SERPINB12: variants seen among roughly 807,000 people sequenced by gnomAD.
SERPINB12 encodes serpin family B member 12.
SERPINB12 carries 57 observed loss-of-function variants against 41.1 expected under a neutral mutation model. The observed-to-expected ratio is 1.39, with a 90% CI of 1.12 to 1.73. SERPINB12 has a LOEUF of 1.73. SERPINB12 is among the 40% of genes most tolerant of loss of function. The pLI is 0.00. For missense variants in SERPINB12, 536 were observed against 501.9 expected (o/e 1.07, Z -0.65); for synonymous variants, 180 against 181.3 (o/e 0.99, Z 0.06).
chr18:63,530,468 G>A, the SERPINB12 span, among the ~76,000 whole-genome samples: 42 of 152,126 alleles, frequency 2.8e-4, no homozygotes, highest in Non-Finnish European at 4.0e-4. Flanking sequence ...TGAAGCAGAG[G>A]AAGAACTTCC....
chr18:63,540,131 T>C (rs1419569138), upstream of SERPINB12, among the ~76,000 whole-genome samples: 1 of 152,202 alleles, frequency 6.6e-6, no homozygotes, highest in Non-Finnish European at 1.5e-5. Flanking sequence ...TTGTAGAATG[T>C]CTAAATAGTC....
intron 1 of SERPINB12, among the ~76,000 whole-genome samples, chr18:63,548,736 T>C (rs1910448605): frequency 6.6e-6 from 1 of 151,994 alleles, no homozygotes; most frequent in African/African-American, 2.4e-5. Flanking sequence ...TTAGCAAGTA[T>C]CAATGCCATG....
At chr18:63,529,798 A>C in the SERPINB12 span, among the ~76,000 whole-genome samples, 5 of 152,030 alleles carry the variant, frequency 3.3e-5, no homozygotes. Context: ...TCATTTAAAA[A>C]CTGATGTTTT....
chr18:63,521,622 A>G, the SERPINB12 span, among the ~76,000 whole-genome samples: 3 of 152,212 alleles, frequency 2.0e-5, no homozygotes, highest in Non-Finnish European at 4.4e-5. Flanking sequence ...CCCAAAAAAA[A>G]GGTAGGCACA....
intron 1 of SERPINB12, among the ~76,000 whole-genome samples, 194 bp from the exon 2 acceptor site, chr18:63,555,948 A>G (rs1321369387): frequency 6.6e-6 from 1 of 152,198 alleles, no homozygotes; most frequent in African/African-American, 2.4e-5. Flanking sequence ...CTACTAAATG[A>G]AAATAGATCT....
chr18:63,532,717 G>T, the SERPINB12 span, among the ~76,000 whole-genome samples: 7 of 151,886 alleles, frequency 4.6e-5, no homozygotes, highest in South Asian at 2.1e-4. Context: ...GTTTGCTGAG[G>T]GGTTGCTAAC....
chr18:63,560,410 CA>C (rs1910863562), intron 4 of SERPINB12, among the ~76,000 whole-genome samples: 1 of 152,062 alleles, frequency 6.6e-6, no homozygotes, highest in African/African-American at 2.4e-5. Flanking sequence ...CTCCTTTGGC[CA>C]AAATAAGTGT....
At position 63,567,198 on chromosome 18, in the gene SERPINB12, T is replaced by A. The variant is rs951037268; in HGVS notation, c.*187T>A. On this transcript the variant is annotated 3_prime_UTR_variant, in exon 8 of 8. Transcript: ENST00000382768. Reference sequence around the variant, plus strand: ...TTATTTTCATCTGAGTCTGTTAGTATTGAAGGGCTGTTGTTCTCTACCCTA... The same window carrying A: ...TTATTTTCATCTGAGTCTGTTAGTAATGAAGGGCTGTTGTTCTCTACCCTA... Among the ~76,000 whole-genome samples the A allele has an allele frequency of 1.3e-5, 2 of 152,202 alleles. No individual in the cohort carries two copies. Among genetic ancestry groups the A allele is most frequent in the Non-Finnish European group, 2.9e-5 (2 of 68,036 alleles).
At chr18:63,559,002 C>CTTT (rs369241604) in intron 3 of SERPINB12, among the ~76,000 whole-genome samples, 15,578 of 98,816 alleles carry the variant, frequency 0.16, 3,215 homozygotes, top group African/African-American at 0.46. Context: ...TTCTTTCCTT[C>CTTT]CTTCTTTCTT....
intron 1 of SERPINB12, among the ~76,000 whole-genome samples, chr18:63,545,192 A>G (rs1217169311): frequency 2.0e-5 from 3 of 151,880 alleles, no homozygotes; most frequent in Non-Finnish European, 2.9e-5. Flanking sequence ...CATTATTTTT[A>G]CGGCCTGTTG....
intron 1 of SERPINB12, among the ~76,000 whole-genome samples, chr18:63,542,863 G>A (rs1410669972): frequency 1.3e-5 from 2 of 151,978 alleles, no homozygotes; most frequent in African/African-American, 4.8e-5. Context: ...TCAATGTTTA[G>A]CTCCCACTTA....
At chr18:63,528,934 T>C in the SERPINB12 span, among the ~76,000 whole-genome samples, 1 of 151,404 alleles carries the variant, frequency 6.6e-6, no homozygotes, top group South Asian at 2.1e-4. Flanking sequence ...AAGGAGGGAG[T>C]GCAAGAATCA....
chr18:63,529,783 A>G, the SERPINB12 span, among the ~76,000 whole-genome samples: 1 of 152,094 alleles, frequency 6.6e-6, no homozygotes, highest in Non-Finnish European at 1.5e-5. Context: ...AAATAAAATA[A>G]TTTATCATTT....
chr18:63,565,821 T>A (rs1294156514), intron 7 of SERPINB12, among the ~76,000 whole-genome samples: 6 of 152,228 alleles, frequency 3.9e-5, no homozygotes, highest in Non-Finnish European at 7.3e-5. Flanking sequence ...GATTGGAGTT[T>A]CTTCTTTAAT....
chr18:63,565,362 C>T lies in SERPINB12; in HGVS notation c.706-83C>T, dbSNP rs544490200. 5 of 1,300,528 alleles carry T rather than the reference C, an allele frequency of 3.8e-6. No homozygotes were observed. The South Asian group carries it at 4.3e-5, about 11-fold the overall frequency. The allele number at this position is 1,300,528 out of a possible 1,614,324, so 80.6% of individuals were successfully genotyped here. A position where few individuals can be genotyped will look rare whatever the true frequency, so the allele number is the denominator to read the frequency against. On this transcript the variant is annotated intron_variant, in intron 6 of 7. Coordinates refer to ENST00000382768, the MANE Select transcript of SERPINB12 (RefSeq NM_001307928.2). ...GCAGAACCTTCTCATCTTTAGGAAC[C>T]CCTGTCCTCCGTGAAGCTGGGGCCA...
chr18:63,521,891 G>A, the SERPINB12 span, among the ~76,000 whole-genome samples: 1 of 152,192 alleles, frequency 6.6e-6, no homozygotes, highest in African/African-American at 2.4e-5. Context: ...CTTAGTTGGA[G>A]CATTGCAGCT....
rs1006037631 is a variant in SERPINB12 at position 63,555,258 on chromosome 18, G to C, written c.-18-884G>C. Among the ~76,000 whole-genome samples, 3 of 152,144 alleles carry C rather than the reference G, an allele frequency of 2.0e-5. No individual in the cohort carries two copies. The East Asian group carries it at 5.8e-4, about 29-fold the overall frequency. On this transcript the variant is annotated intron_variant, in intron 1 of 7. Transcript: ENST00000382768. Reference sequence around the variant, plus strand: ...GTTTGCATGTGGGATGAGTCAAAAGGGGGTGAGAATGTTAACAAGGCACAT... The same window carrying C: ...GTTTGCATGTGGGATGAGTCAAAAGCGGGTGAGAATGTTAACAAGGCACAT...
At chr18:63,532,669 C>A in the SERPINB12 span, among the ~76,000 whole-genome samples, 1 of 152,122 alleles carries the variant, frequency 6.6e-6, no homozygotes, top group Non-Finnish European at 1.5e-5. Flanking sequence ...GAGGTTGTCT[C>A]TATGGTAGAT....
intron 1 of SERPINB12, among the ~76,000 whole-genome samples, chr18:63,546,811 T>C (rs568787991): frequency 1.3e-5 from 2 of 152,306 alleles, no homozygotes; most frequent in Non-Finnish European, 2.9e-5. Context: ...CTATCAATGA[T>C]GATTTTACTC....
Sources: allele counts gnomAD v4.1 joint callset (sites outside exome capture counted in the v4.1 genomes callset), GRCh38; gene constraint gnomAD v4.1.1; transcripts MANE v1.5; gene names NCBI Gene and HGNC (gene_info 2026-07-23, HGNC 2026-07-21).